PRDM5: variants seen among roughly 807,000 people sequenced by gnomAD.
PRDM5 encodes the protein PR/SET domain 5.
In PRDM5, 56 loss-of-function variants were observed where a neutral mutation model predicts 81.2. The ratio of observed to expected loss-of-function variants is 0.69; its 90% confidence interval spans 0.56 to 0.86. The LOEUF (loss-of-function observed/expected upper bound fraction) is 0.86. PRDM5 is among the 40% of genes least tolerant of loss of function. PRDM5 has a pLI of 0.00. For synonymous variants in PRDM5, 267 were observed against 256.4 expected, an observed-to-expected ratio of 1.04 and a Z score of -0.39; for missense variants, 697 against 770.1, an observed-to-expected ratio of 0.91 and a Z score of 1.12.
intron 13 of PRDM5, among the ~76,000 whole-genome samples, chr4:120,756,684 C>G (rs2149162118): frequency 6.6e-6 from 1 of 152,284 alleles, no homozygotes; most frequent in Admixed American, 6.5e-5. Context: ...TCCTGCATCA[C>G]ACAATTCCAG....
At chr4:120,722,105 C>T (rs1738701597) in intron 14 of PRDM5, among the ~76,000 whole-genome samples, 1 of 152,162 alleles carries the variant, frequency 6.6e-6, no homozygotes, top group Non-Finnish European at 1.5e-5. Flanking sequence ...GGCTGCCGGA[C>T]TAAGCAGCCA....
At chr4:120,840,605 C>A (rs2149391311) in intron 3 of PRDM5, among the ~76,000 whole-genome samples, 1 of 152,330 alleles carries the variant, frequency 6.6e-6, no homozygotes, top group Admixed American at 6.5e-5. Flanking sequence ...AGCCCCTTCC[C>A]CCCATGGGCA....
At chr4:120,732,921 A>C (rs1422806244) in intron 14 of PRDM5, among the ~76,000 whole-genome samples, 2 of 152,236 alleles carry the variant, frequency 1.3e-5, no homozygotes, top group African/African-American at 2.4e-5. Context: ...TCTAGACTGC[A>C]CTCAAAATAG....
chr4:120,757,173 C>T (rs1561111125), intron 13 of PRDM5, among the ~76,000 whole-genome samples: 1 of 152,126 alleles, frequency 6.6e-6, no homozygotes, highest in Non-Finnish European at 1.5e-5. Flanking sequence ...CATAATAAAT[C>T]CATTTCCAAT....
chr4:120,855,028 G>A (rs889040938), intron 2 of PRDM5, among the ~76,000 whole-genome samples: 3 of 152,064 alleles, frequency 2.0e-5, no homozygotes, highest in Non-Finnish European at 4.4e-5. Context: ...CAGATCATGC[G>A]GGGACCAACA....
chr4:120,827,521 T>C (rs1228352270), intron 3 of PRDM5, among the ~76,000 whole-genome samples: 1 of 152,128 alleles, frequency 6.6e-6, no homozygotes, highest in Non-Finnish European at 1.5e-5. Context: ...AGTAGTCATA[T>C]AAATACAGTG....
rs569635568 is a variant in PRDM5 at position 120,811,509 on chromosome 4, T to C, written c.866-60A>G. On this transcript the variant is annotated intron_variant, in intron 7 of 15. Coordinates refer to ENST00000264808, the MANE Select transcript of PRDM5 (RefSeq NM_018699.4). ...TGAGACTATTAAGAGGAAAAACAAA[T>C]AGTGTTTCGAGGTGATATGTAAGTT... 6.3e-6 allele frequency: 7 copies of C among 1,110,314 alleles called. No homozygotes were observed. The East Asian group carries it at 7.3e-5, about 12-fold the overall frequency. The allele number at this position is 1,110,314 out of a possible 1,614,324, so 68.8% of individuals were successfully genotyped here.
At chr4:120,829,847 T>C (rs2149366552) in intron 3 of PRDM5, among the ~76,000 whole-genome samples, 1 of 152,188 alleles carries the variant, frequency 6.6e-6, no homozygotes, top group Middle Eastern at 3.4e-3. Context: ...ATGAACAACT[T>C]ATACCAGTGT....
chr4:120,876,348 G>A (rs1046415747), intron 2 of PRDM5, among the ~76,000 whole-genome samples: 3 of 152,088 alleles, frequency 2.0e-5, no homozygotes, highest in African/African-American at 7.2e-5. Context: ...AATATTTATT[G>A]TACTATTCAT....
chr4:120,839,301 A>C, intron 3 of PRDM5: 1 of 703,058 alleles, frequency 1.4e-6, no homozygotes, highest in South Asian at 1.5e-5. Flanking sequence ...TGAGGTATAC[A>C]AACAAGTAGA....
intron 15 of PRDM5, among the ~76,000 whole-genome samples, chr4:120,709,693 C>G (rs145856731): frequency 7.8e-6 from 1 of 128,170 alleles, no homozygotes; most frequent in African/African-American, 2.6e-5. Context: ...CAATCCCGCA[C>G]AAAAGAACAG....
chr4:120,897,712 T>C (rs1764801298), intron 2 of PRDM5, among the ~76,000 whole-genome samples: 1 of 152,242 alleles, frequency 6.6e-6, no homozygotes, highest in African/African-American at 2.4e-5. Context: ...TCTTTTGCTT[T>C]GTCATACCTA....
At chr4:120,758,416 G>A (rs1745097888) in intron 13 of PRDM5, among the ~76,000 whole-genome samples, 1 of 152,082 alleles carries the variant, frequency 6.6e-6, no homozygotes, top group East Asian at 1.9e-4. Context: ...GGCCTTACTT[G>A]GGAACTGGGT....
At chr4:120,877,524 G>A (rs1038452332) in intron 2 of PRDM5, among the ~76,000 whole-genome samples, 31 of 152,184 alleles carry the variant, frequency 2.0e-4, no homozygotes, top group Non-Finnish European at 3.7e-4. Flanking sequence ...AATAAACGGG[G>A]CCGGGTGCGG....
intron 2 of PRDM5, among the ~76,000 whole-genome samples, chr4:120,891,776 C>T (rs544706115): frequency 1.7e-4 from 26 of 152,146 alleles, no homozygotes; most frequent in Non-Finnish European, 3.2e-4. Context: ...ATTACAGGCA[C>T]CCACCACCAT....
At chr4:120,689,617 T>C (rs1560859131), downstream of PRDM5, among the ~76,000 whole-genome samples, 1 of 152,018 alleles carries the variant, frequency 6.6e-6, no homozygotes, top group Admixed American at 6.6e-5. Flanking sequence ...TTTTTTTTCT[T>C]TTTTCTTGAG....
intron 2 of PRDM5, chr4:120,896,174 T>C (rs2148643384): frequency 6.6e-6 from 1 of 152,292 alleles, no homozygotes; most frequent in Non-Finnish European, 1.5e-5. Flanking sequence ...TCAGAATCAT[T>C]GGTGAATCAA....
chr4:120,690,238 T>C (rs537094857), downstream of PRDM5, among the ~76,000 whole-genome samples: 1 of 152,290 alleles, frequency 6.6e-6, no homozygotes, highest in African/African-American at 2.4e-5. Flanking sequence ...TAATATATTG[T>C]TTTAACACTA....
At chr4:120,690,492 A>C (rs1734000309), downstream of PRDM5, among the ~76,000 whole-genome samples, 1 of 152,170 alleles carries the variant, frequency 6.6e-6, no homozygotes. Flanking sequence ...TCTTAACATC[A>C]GTTCATTTAA....
Sources: allele counts gnomAD v4.1 joint callset (sites outside exome capture counted in the v4.1 genomes callset), GRCh38; gene constraint gnomAD v4.1.1; transcripts MANE v1.5; gene names NCBI Gene and HGNC (gene_info 2026-07-23, HGNC 2026-07-21).